The following DENND4C variants were observed in gnomAD, a reference collection of about 807,000 sequenced individuals.
DENND4C encodes the protein DENN domain-containing protein 4C.
In DENND4C, 108 loss-of-function variants were observed where a neutral mutation model predicts 203.0. The observed-to-expected ratio is 0.53, with a 90% CI of 0.46 to 0.62. The LOEUF (loss-of-function observed/expected upper bound fraction) is 0.62, where lower values mean the gene tolerates loss of function less well. DENND4C is among the 20% of genes least tolerant of loss of function. The pLI, the probability that DENND4C is intolerant of heterozygous loss-of-function variation, is 0.00. For synonymous variants in DENND4C, 871 were observed against 792.4 expected (o/e 1.10, Z -1.67); for missense variants, 2,481 against 2,301.2 (o/e 1.08, Z -1.60).
chr9:19,281,552 T>TA (rs1834043681), intron 2 of DENND4C, among the ~76,000 whole-genome samples: 1 of 152,222 alleles, frequency 6.6e-6, no homozygotes, highest in Non-Finnish European at 1.5e-5. Context: ...TACTGTTTTA[T>TA]AAACTGAGAT....
chr9:19,248,377 C>T (rs1444770394), intron 1 of DENND4C, among the ~76,000 whole-genome samples: 1 of 151,776 alleles, frequency 6.6e-6, no homozygotes, highest in Non-Finnish European at 1.5e-5. Flanking sequence ...TAGGCCCCTG[C>T]TTAGATCTTA....
intron 1 of DENND4C, among the ~76,000 whole-genome samples, chr9:19,256,836 C>T (rs1398402159): frequency 3.3e-5 from 5 of 151,226 alleles, no homozygotes; most frequent in South Asian, 2.1e-4. Context: ...TTTGGGAGGC[C>T]GAGGCAGGTG....
rs1361964825 is a variant in DENND4C at position 19,286,837 on chromosome 9, G to A, written c.374G>A (p.Arg125His). ...CEVILATPYG[R>H]CANVNNSSTT... Reference sequence around the variant, plus strand: ...GTGATCCTAGCCACACCCTATGGTCGCTGTGCCAATGTCAACAATAGTTCA... The same window carrying A: ...GTGATCCTAGCCACACCCTATGGTCACTGTGCCAATGTCAACAATAGTTCA... Residue 125 changes from arginine to histidine, a missense_variant, in exon 3 of 33, where the codon CGC becomes CAC. Transcript: ENST00000434457. 1.7e-4 allele frequency: 208 copies of A among 1,231,960 alleles called. 3 individuals carry two copies. In the Admixed American group the frequency reaches 7.8e-3, roughly 46 times the overall value. The allele number at this position is 1,231,960 out of a possible 1,614,324, so 76.3% of individuals were successfully genotyped here.
chr9:19,369,621 G>A (rs898821061), intron 30 of DENND4C, among the ~76,000 whole-genome samples: 1 of 151,800 alleles, frequency 6.6e-6, no homozygotes, highest in African/African-American at 2.4e-5. Context: ...ACAAAAATTA[G>A]CTGGGCATGG....
intron 1 of DENND4C, among the ~76,000 whole-genome samples, chr9:19,251,488 C>T (rs1426031191): frequency 1.3e-5 from 2 of 152,244 alleles, no homozygotes; most frequent in East Asian, 1.9e-4. Context: ...TAACATTCCA[C>T]TCTTCGTTAC....
At chr9:19,354,812 C>G (rs1358202087) in intron 26 of DENND4C, among the ~76,000 whole-genome samples, 3 of 151,870 alleles carry the variant, frequency 2.0e-5, no homozygotes, top group African/African-American at 7.3e-5. Flanking sequence ...TCCCAAAGTG[C>G]TGGGATTACA....
intron 24 of DENND4C, among the ~76,000 whole-genome samples, chr9:19,351,570 G>A (rs1202636527): frequency 6.6e-6 from 1 of 152,118 alleles, no homozygotes; most frequent in Non-Finnish European, 1.5e-5. Flanking sequence ...CACTTCGGGA[G>A]GCAAGGCGGG....
intron 1 of DENND4C, among the ~76,000 whole-genome samples, chr9:19,272,421 AAAAAAC>A (rs964575093): frequency 2.7e-5 from 4 of 148,354 alleles, no homozygotes; most frequent in African/African-American, 5.0e-5. Flanking sequence ...ACTCCATCTC[AAAAAAC>A]AAAAACAAAA....
chr9:19,357,168 C>A lies in DENND4C; in HGVS notation c.4964+14C>A. 6.2e-7 allele frequency: 1 copy of A among 1,613,282 alleles called. No individual in the cohort carries two copies. The highest frequency in any genetic ancestry group is 1.1e-5 in the South Asian group (1 of 91,044). On this transcript the variant is annotated intron_variant, in intron 27 of 32. Coordinates refer to ENST00000434457, the MANE Select transcript of DENND4C (RefSeq NM_001330640.2). Reference sequence around the variant, plus strand: ...AGTTGAACCAAGGTATCAAAGGGTACAGAGACCTCTTTATGTAGTAATAAA... The same window carrying A: ...AGTTGAACCAAGGTATCAAAGGGTAAAGAGACCTCTTTATGTAGTAATAAA...
At chr9:19,304,057 A>C (rs370089899) in intron 9 of DENND4C, among the ~76,000 whole-genome samples, 3 of 151,426 alleles carry the variant, frequency 2.0e-5, no homozygotes, top group Non-Finnish European at 4.4e-5. Flanking sequence ...TTAAAAAAAA[A>C]AAAAACCCAC....
At chr9:19,269,816 T>C (rs1831265980) in intron 1 of DENND4C, among the ~76,000 whole-genome samples, 1 of 152,194 alleles carries the variant, frequency 6.6e-6, no homozygotes, top group South Asian at 2.1e-4. Context: ...TGCTTGTGGA[T>C]GTTTGTTGAT....
chr9:19,307,990 T>A (rs1840027131), intron 10 of DENND4C, among the ~76,000 whole-genome samples: 1 of 152,076 alleles, frequency 6.6e-6, no homozygotes, highest in Non-Finnish European at 1.5e-5. Flanking sequence ...AAATTTTGTT[T>A]TGCATACTTA....
chr9:19,328,047 G>C lies in DENND4C; in HGVS notation c.2138G>C (p.Arg713Thr). The part of the protein sequence containing the change: ...SPKYSYKYFP[R>T]LDLKLFDRPQ... Reference sequence around the variant, plus strand: ...TATTTTAGTTACAAATACTTTCCAAGACTGGACCTTAAGCTTTTTGACAGA... The same window carrying C: ...TATTTTAGTTACAAATACTTTCCAACACTGGACCTTAAGCTTTTTGACAGA... Residue 713 changes from arginine (R) to threonine (T), a missense_variant, in exon 16 of 33, where the codon AGA (arginine) becomes ACA (threonine). Arg to Thr is a moderately conservative substitution (Grantham distance 71, BLOSUM62 -1). Around this residue, in one of 3 missense-constraint regions of DENND4C, gnomAD observed 2,289 missense variants for 2,113.3 expected, o/e 1.08. Transcript: ENST00000434457. 1 of 1,608,006 alleles carries C rather than the reference G, an allele frequency of 6.2e-7. No homozygotes were observed. Among genetic ancestry groups the C allele is most frequent in the Non-Finnish European group, 8.5e-7 (1 of 1,178,092 alleles).
intron 1 of DENND4C, among the ~76,000 whole-genome samples, chr9:19,267,474 A>G (rs1371408566): frequency 6.6e-6 from 1 of 151,604 alleles, no homozygotes; most frequent in Non-Finnish European, 1.5e-5. Flanking sequence ...TGACCCCTTT[A>G]TTTTTAGTCT....
At chr9:19,333,814 G>T (rs1056869354) in intron 17 of DENND4C, among the ~76,000 whole-genome samples, 2 of 151,988 alleles carry the variant, frequency 1.3e-5, no homozygotes, top group Non-Finnish European at 2.9e-5. Flanking sequence ...ATTATTTTTG[G>T]TGTTAAGATA....
At chr9:19,284,189 T>A (rs1277968993) in intron 2 of DENND4C, among the ~76,000 whole-genome samples, 1 of 152,218 alleles carries the variant, frequency 6.6e-6, no homozygotes, top group Non-Finnish European at 1.5e-5. Context: ...GCCTATTTCT[T>A]TCTCTTAAAC....
At position 19,360,465 on chromosome 9, in the gene DENND4C, T is replaced by C; in HGVS notation, c.5382T>C (p.Ser1794=). ...ACTTGCCAGGACTTATCCTCACATC[T>C]GAACATTGTAATGAAGGTGTACAGG... ...PSNLPGLILT[S]EHCNEGVQLP... The change falls in exon 29 of 33, where the codon TCT becomes TCC. Residue 1794 remains serine (S), a synonymous_variant. Transcript: ENST00000434457. 1.2e-6 allele frequency: 2 copies of C among 1,614,142 alleles called. No homozygotes were observed. The highest frequency in any genetic ancestry group is 2.7e-5 in the African/African-American group (2 of 75,058).
rs1825487275 is a variant in DENND4C, at chr9:19,356,736, G to C, written c.4782-236G>C. 2.7e-5 allele frequency among the ~76,000 whole-genome samples: 4 copies of C among 149,494 alleles called. 1 individual carries two copies. In the South Asian group the frequency reaches 8.5e-4, roughly 32 times the overall value. ...CCATTTCCAACCTTGTATTTGAAAA[G>C]TTTAGGATAGGAGGGGAAGAGAAAA... On this transcript the variant is annotated intron_variant, in intron 26 of 32. Transcript: ENST00000434457.
chr9:19,343,196 C>T (rs552780309), intron 22 of DENND4C, among the ~76,000 whole-genome samples: 3 of 152,270 alleles, frequency 2.0e-5, no homozygotes, highest in Non-Finnish European at 4.4e-5. Flanking sequence ...GTCATTTCCC[C>T]TCTACACAGA....
Sources: allele counts gnomAD v4.1 joint callset (sites outside exome capture counted in the v4.1 genomes callset), GRCh38; gene constraint gnomAD v4.1.1; regional missense constraint gnomAD v4.1.1; transcripts MANE v1.5; gene names NCBI Gene and HGNC (gene_info 2026-07-23, HGNC 2026-07-21).